CTNNA2: variants seen among roughly 807,000 people sequenced by gnomAD.
The protein encoded by CTNNA2 is catenin alpha-2.
Under a neutral mutation model 101.0 loss-of-function variants are expected in CTNNA2, and 42 were observed. The observed-to-expected ratio is 0.42, with a 90% CI of 0.32 to 0.54. The LOEUF is 0.54. Ranked by LOEUF, CTNNA2 falls within the 20% of genes least tolerant of loss-of-function variation. CTNNA2 has a pLI of 0.14. For missense variants in CTNNA2, 871 were observed against 1,223.1 expected, an observed-to-expected ratio of 0.71 and a Z score of 4.29; for synonymous variants, 450 against 456.4, an observed-to-expected ratio of 0.99 and a Z score of 0.18.
intron 2 of CTNNA2, among the ~76,000 whole-genome samples, chr2:79,731,771 A>G (rs1687211085): frequency 6.6e-6 from 1 of 152,052 alleles, no homozygotes; most frequent in Admixed American, 6.6e-5. Flanking sequence ...GCATTTGGCA[A>G]TAGCCCTTAA....
intron 7 of CTNNA2, among the ~76,000 whole-genome samples, chr2:80,138,575 C>T (rs960536123): frequency 3.7e-4 from 57 of 152,092 alleles, no homozygotes; most frequent in African/African-American, 1.1e-3. Flanking sequence ...TTGTGGGCAT[C>T]TTCCCAAGTA....
intron 2 of CTNNA2, among the ~76,000 whole-genome samples, chr2:79,278,087 A>G (rs1675260525): frequency 1.3e-5 from 2 of 152,176 alleles, no homozygotes; most frequent in African/African-American, 4.8e-5. Flanking sequence ...GAAGAAGTCT[A>G]GAAAGTTCAG....
intron 3 of CTNNA2, among the ~76,000 whole-genome samples, chr2:79,787,901 T>C (rs1674972825): frequency 6.6e-6 from 1 of 151,970 alleles, no homozygotes; most frequent in East Asian, 1.9e-4. Flanking sequence ...TGCCTTTTGC[T>C]ATATAAGGTA....
Position 80,129,805 on chromosome 2 carries a change from G to T in CTNNA2, c.1056+220008G>T, listed in dbSNP as rs1558835676. Among the ~76,000 whole-genome samples, 3 of 152,212 alleles carry T rather than the reference G, an allele frequency of 2.0e-5. No homozygotes were observed. In the East Asian group the frequency reaches 5.8e-4, roughly 29 times the overall value. On this transcript the variant is annotated intron_variant, in intron 7 of 18. Transcript: ENST00000402739. ...GGAAATTCCTTTGGAACCTGGATCGGCCTGGTCACCTGGCTACTCTACTGT... is the reference window on the plus strand; with the variant it reads ...GGAAATTCCTTTGGAACCTGGATCGTCCTGGTCACCTGGCTACTCTACTGT...
At chr2:79,402,469 A>T (rs1469390711) in intron 4 of CTNNA2, among the ~76,000 whole-genome samples, 1 of 151,814 alleles carries the variant, frequency 6.6e-6, no homozygotes, top group African/African-American at 2.4e-5. Flanking sequence ...CTATATGTAC[A>T]TGCCTATGAT....
At chr2:80,071,672 A>AC (rs1698351301) in intron 7 of CTNNA2, among the ~76,000 whole-genome samples, 2 of 152,212 alleles carry the variant, frequency 1.3e-5, no homozygotes, top group Non-Finnish European at 2.9e-5. Context: ...CCCAGCTTGC[A>AC]CTTAGTGTGG....
chr2:80,630,480 T>TA (rs1672165893), intron 18 of CTNNA2, among the ~76,000 whole-genome samples: 1 of 151,542 alleles, frequency 6.6e-6, no homozygotes, highest in Admixed American at 6.6e-5. Context: ...CTACTAAAAA[T>TA]AAAAAAATTA....
chr2:79,780,381 A>G (rs181108677), intron 3 of CTNNA2, among the ~76,000 whole-genome samples: 72 of 152,312 alleles, frequency 4.7e-4, no homozygotes, highest in Non-Finnish European at 8.7e-4. Flanking sequence ...GTGAACAATC[A>G]CATTTGACTA....
chr2:80,232,479 G>C (rs571717992), intron 7 of CTNNA2, among the ~76,000 whole-genome samples: 1 of 149,734 alleles, frequency 6.7e-6, no homozygotes, highest in African/African-American at 2.4e-5. Context: ...GTCCTGACTT[G>C]GGCCAGGAGT....
At chr2:80,339,625 C>G (rs1239277081) in intron 7 of CTNNA2, among the ~76,000 whole-genome samples, 1 of 152,052 alleles carries the variant, frequency 6.6e-6, no homozygotes, top group African/African-American at 2.4e-5. Context: ...ACTAGTCATC[C>G]CCTACTGATT....
chr2:79,841,635 A>G (rs374610717), intron 3 of CTNNA2, among the ~76,000 whole-genome samples: 3 of 152,340 alleles, frequency 2.0e-5, no homozygotes, highest in East Asian at 3.9e-4. Flanking sequence ...ATAATTTCTC[A>G]TTCTACTATA....
rs35267780 is a variant in CTNNA2, at chr2:80,499,932, C to CA, written c.1291-45035dup. ...TTTTGTGTATGTTTGAAACGTTCTA[C>CA]AAAAAAAAAAAAAAAGGTTAAAACA... On this transcript the variant is annotated intron_variant, in intron 9 of 18. Coordinates refer to ENST00000402739, the MANE Select transcript of CTNNA2 (RefSeq NM_001282597.3). 4.9e-3 allele frequency among the ~76,000 whole-genome samples: 394 copies of CA among 80,292 alleles called. 2 individuals are homozygous for CA. Among genetic ancestry groups the CA allele is most frequent in the Middle Eastern group, 8.2e-3 (1 of 122 alleles). 52.7% of individuals were successfully genotyped at this position (80,292 alleles called of 152,430 possible).
At chr2:80,479,666 T>C (rs973468488) in intron 9 of CTNNA2, among the ~76,000 whole-genome samples, 2 of 152,178 alleles carry the variant, frequency 1.3e-5, no homozygotes, top group African/African-American at 2.4e-5. Context: ...CTAAAAGATA[T>C]CTACAAAGCT....
intron 2 of CTNNA2, among the ~76,000 whole-genome samples, chr2:79,242,674 A>G (rs1674641791): frequency 6.6e-6 from 1 of 152,124 alleles, no homozygotes; most frequent in Non-Finnish European, 1.5e-5. Context: ...CATTTTTAAT[A>G]TGTTAATATT....
intron 7 of CTNNA2, among the ~76,000 whole-genome samples, chr2:80,034,962 G>T (rs1418806330): frequency 6.6e-6 from 1 of 152,112 alleles, no homozygotes. Context: ...CATATTATGT[G>T]AAATAATACG....
intron 7 of CTNNA2, among the ~76,000 whole-genome samples, chr2:80,216,227 C>T (rs1229977111): frequency 5.9e-5 from 9 of 152,206 alleles, no homozygotes; most frequent in Admixed American, 2.6e-4. Context: ...GGTGATGCCC[C>T]GCCCTGCTTC....
chr2:80,446,245 C>T (rs1574059674), intron 9 of CTNNA2, among the ~76,000 whole-genome samples: 2 of 152,272 alleles, frequency 1.3e-5, no homozygotes, highest in Admixed American at 6.5e-5. Flanking sequence ...ATGTTCCCAG[C>T]TTCCTCCACT....
chr2:79,193,712 T>C (rs1383063518), intron 1 of CTNNA2, among the ~76,000 whole-genome samples: 1 of 152,200 alleles, frequency 6.6e-6, no homozygotes, highest in Non-Finnish European at 1.5e-5. Context: ...GAAACAAAGA[T>C]ATTTCATTCT....
intron 4 of CTNNA2, among the ~76,000 whole-genome samples, chr2:79,486,718 A>G (rs1671162218): frequency 6.6e-6 from 1 of 152,136 alleles, no homozygotes; most frequent in Admixed American, 6.5e-5. Context: ...CTATTTCTCC[A>G]CATCCTCTCC....
Sources: allele counts gnomAD v4.1 joint callset (sites outside exome capture counted in the v4.1 genomes callset), GRCh38; gene constraint gnomAD v4.1.1; transcripts MANE v1.5; gene names NCBI Gene and HGNC (gene_info 2026-07-23, HGNC 2026-07-21).